Variants in POPDC1 observed in about 807,000 individuals in gnomAD.
POPDC1 encodes popeye domain-containing protein 1.
At chr6:105,111,010 T>A in the POPDC1 span, among the ~76,000 whole-genome samples, 4 of 152,268 alleles carry the variant, frequency 2.6e-5, no homozygotes, top group East Asian at 5.8e-4. Flanking sequence ...TTGACACTAA[T>A]AACAAACAAA....
At chr6:105,102,504 T>C in the POPDC1 span, among the ~76,000 whole-genome samples, 2 of 152,252 alleles carry the variant, frequency 1.3e-5, no homozygotes, top group East Asian at 1.9e-4. Context: ...TCCTGGCCCC[T>C]GGTATGGCAC....
At chr6:105,113,238 G>A in the POPDC1 span, among the ~76,000 whole-genome samples, 1 of 152,110 alleles carries the variant, frequency 6.6e-6, no homozygotes, top group East Asian at 1.9e-4. Flanking sequence ...GGCCAAGCAT[G>A]AGCTCTGGAA....
the POPDC1 span, chr6:105,124,753 C>T: frequency 3.4e-6 from 3 of 890,528 alleles, no homozygotes; most frequent in Non-Finnish European, 5.3e-6. Context: ...TTTTGTAGTA[C>T]AGTTTTAAAA....
the POPDC1 span, among the ~76,000 whole-genome samples, chr6:105,106,687 G>A: frequency 1.3e-5 from 2 of 152,178 alleles, no homozygotes; most frequent in African/African-American, 2.4e-5. Context: ...GTCACTGGCT[G>A]CAAGGGCAAA....
chr6:105,116,916 G>C, the POPDC1 span: 3 of 1,534,292 alleles, frequency 2.0e-6, no homozygotes, highest in Admixed American at 1.9e-5. Context: ...CTATGTATAT[G>C]AATTATGACT....
At chr6:105,125,931 C>G in the POPDC1 span, among the ~76,000 whole-genome samples, 1 of 151,824 alleles carries the variant, frequency 6.6e-6, no homozygotes, top group Non-Finnish European at 1.5e-5. Flanking sequence ...GCGGTGGTCA[C>G]GCCTGTAATC....
At chr6:105,132,253 A>G in the POPDC1 span, among the ~76,000 whole-genome samples, 1 of 152,198 alleles carries the variant, frequency 6.6e-6, no homozygotes, top group East Asian at 1.9e-4. Context: ...GGCGTAAGCC[A>G]CTGTGTCCAG....
chr6:105,133,525 G>A, the POPDC1 span: 1 of 1,613,792 alleles, frequency 6.2e-7, no homozygotes, highest in South Asian at 1.1e-5. Context: ...TAACTCAGGT[G>A]TAAAACCTAT....
At chr6:105,133,545 TTCTC>T in the POPDC1 span, 1 of 1,613,458 alleles carries the variant, frequency 6.2e-7, no homozygotes, top group African/African-American at 1.3e-5. Flanking sequence ...TGGCAGTTGA[TTCTC>T]TCAATGGGCT....
At chr6:105,113,658 C>T in the POPDC1 span, among the ~76,000 whole-genome samples, 6 of 152,174 alleles carry the variant, frequency 3.9e-5, no homozygotes, top group Admixed American at 3.3e-4. Context: ...GTGCAGCACC[C>T]GACCTTCATG....
At chr6:105,115,663 G>A in the POPDC1 span, 2 of 1,613,536 alleles carry the variant, frequency 1.2e-6, no homozygotes, top group Non-Finnish European at 1.7e-6. Flanking sequence ...CTCTGGAGTA[G>A]TATCAGTTTT....
At chr6:105,111,520 T>C in the POPDC1 span, among the ~76,000 whole-genome samples, 17 of 152,356 alleles carry the variant, frequency 1.1e-4, no homozygotes, top group Admixed American at 1.0e-3. Context: ...TCTCTTCCTA[T>C]CTCGCTATAT....
At chr6:105,102,679 TAGG>T in the POPDC1 span, among the ~76,000 whole-genome samples, 2 of 152,144 alleles carry the variant, frequency 1.3e-5, no homozygotes, top group Non-Finnish European at 2.9e-5. Context: ...ATGGGATTGT[TAGG>T]AGGATTAAAC....
At chr6:105,113,935 C>T in the POPDC1 span, among the ~76,000 whole-genome samples, 1 of 150,938 alleles carries the variant, frequency 6.6e-6, no homozygotes, top group Admixed American at 6.6e-5. Context: ...AACTCCCATC[C>T]CCCCCGCCAC....
the POPDC1 span, chr6:105,115,893 G>A: frequency 1.3e-6 from 2 of 1,528,936 alleles, no homozygotes; most frequent in South Asian, 2.5e-5. Context: ...CATTTAAGCA[G>A]CATGTACTTT....
chr6:105,127,207 A>G, the POPDC1 span, among the ~76,000 whole-genome samples: 3 of 152,170 alleles, frequency 2.0e-5, no homozygotes, highest in Non-Finnish European at 4.4e-5. Context: ...TCCAGCATTC[A>G]TATTTTTCAA....
At chr6:105,122,683 G>C in the POPDC1 span, among the ~76,000 whole-genome samples, 1 of 152,168 alleles carries the variant, frequency 6.6e-6, no homozygotes, top group African/African-American at 2.4e-5. Flanking sequence ...TTTGGAAGAA[G>C]AAACTGTAAA....
chr6:105,122,628 T>C, the POPDC1 span, among the ~76,000 whole-genome samples: 1 of 152,156 alleles, frequency 6.6e-6, no homozygotes, highest in African/African-American at 2.4e-5. Context: ...CAAAACCACC[T>C]GCTACTATAC....
chr6:105,117,569 T>G, the POPDC1 span, among the ~76,000 whole-genome samples: 1 of 152,176 alleles, frequency 6.6e-6, no homozygotes, highest in African/African-American at 2.4e-5. Context: ...AGCTCAAGTA[T>G]CCCTCAAATA....
Sources: gnomAD v4.1 joint callset for allele counts (sites outside exome capture counted in the v4.1 genomes callset) on GRCh38, gnomAD v4.1.1 for gene constraint, MANE v1.5 for transcripts, NCBI Gene and HGNC (gene_info 2026-07-23, HGNC 2026-07-21) for gene names.